TENT4B: variants seen among roughly 807,000 people sequenced by gnomAD.
TENT4B encodes terminal nucleotidyltransferase 4B.
In TENT4B, 10 loss-of-function variants were observed where a neutral mutation model predicts 75.0. The observed-to-expected ratio is 0.13, with a 90% CI of 0.08 to 0.23. TENT4B has a LOEUF of 0.23. Ranked by LOEUF, TENT4B falls within the 10% of genes least tolerant of loss-of-function variation. The pLI is 1.00. For missense variants in TENT4B, 579 were observed against 893.8 expected, an observed-to-expected ratio of 0.65 and a Z score of 4.49; for synonymous variants, 350 against 357.7, an observed-to-expected ratio of 0.98 and a Z score of 0.24.
Position 50,224,993 on chromosome 16 carries a change from T to C in TENT4B, c.1611T>C (p.Asn537=). 1.9e-6 allele frequency: 3 copies of C among 1,613,150 alleles called. No individual in the cohort carries two copies. Among genetic ancestry groups the C allele is most frequent in the Non-Finnish European group, 1.7e-6 (2 of 1,179,232 alleles). ...AGAATAGACCTGAGCCTTCATGCAATGGTAAGATATTTTCCTTGGTCGATT... is the reference window on the plus strand; with the variant it reads ...AGAATAGACCTGAGCCTTCATGCAACGGTAAGATATTTTCCTTGGTCGATT... ...GLKNRPEPSC[N]GNGVTLIVDT... Residue 537 remains asparagine, a splice_region_variant and synonymous_variant, in exon 9 of 12, where the codon AAT becomes AAC. Transcript: ENST00000561678.
At chr16:50,206,637 T>C (rs2030986665) in intron 1 of TENT4B, among the ~76,000 whole-genome samples, 1 of 152,076 alleles carries the variant, frequency 6.6e-6, no homozygotes, top group Non-Finnish European at 1.5e-5. Flanking sequence ...GGGACGGTGC[T>C]GAGCAGAGGG....
chr16:50,204,929 C>G (rs899320476), intron 1 of TENT4B, among the ~76,000 whole-genome samples: 1 of 152,162 alleles, frequency 6.6e-6, no homozygotes, highest in African/African-American at 2.4e-5. Context: ...TCTGTGTCCC[C>G]AGCTGTCAGT....
In TENT4B at chr16:50,230,905, C is replaced by A. The variant is rs1024776321; in HGVS notation, c.*1577C>A. The A allele has an allele frequency of 3.0e-6, 3 of 984,168 alleles. No individual in the cohort carries two copies. Among genetic ancestry groups the A allele is most frequent in the Non-Finnish European group, 3.6e-6 (3 of 828,672 alleles). The allele number at this position is 984,168 out of a possible 1,614,324, so 61.0% of individuals were successfully genotyped here. On this transcript the variant is annotated 3_prime_UTR_variant, in exon 12 of 12. Transcript: ENST00000561678. Reference sequence around the variant, plus strand: ...CTGTTAAATGCAGCCATTTCTGAGACGAGATTCTTTTATATATATATACAT... The same window carrying A: ...CTGTTAAATGCAGCCATTTCTGAGAAGAGATTCTTTTATATATATATACAT...
intron 3 of TENT4B, 90 bp downstream of exon 3, chr16:50,214,357 T>C: frequency 9.5e-7 from 1 of 1,049,500 alleles, no homozygotes; most frequent in Non-Finnish European, 1.4e-6. Context: ...ACAAAACAAA[T>C]TTATAAAACA....
chr16:50,154,036 C>A lies in TENT4B; in HGVS notation c.415C>A (p.Pro139Thr). Residue 139 changes from proline to threonine, a missense_variant, in exon 1 of 12, where the codon CCG (proline) becomes ACG (threonine). Pro to Thr is a conservative substitution (Grantham distance 38). This residue lies in a region of TENT4B where 253 missense variants were observed against 270.1 expected (regional missense o/e 0.94). Coordinates refer to ENST00000561678, the MANE Select transcript of TENT4B (RefSeq NM_001365324.3). ...CTCGCCTCCCTCGGCGTCCTCGTCCCCGCACCCTTCGGCCGCCGTCCCCGC... is the reference window on the plus strand; with the variant it reads ...CTCGCCTCCCTCGGCGTCCTCGTCCACGCACCCTTCGGCCGCCGTCCCCGC... ...ASSPPSASSS[P>T]HPSAAVPAAD... 6.5e-7 allele frequency: 1 copy of A among 1,532,784 alleles called. No individual in the cohort carries two copies. The highest frequency in any genetic ancestry group is 1.4e-5 in the African/African-American group (1 of 72,916). The allele number at this position is 1,532,784 out of a possible 1,614,324, so 94.9% of individuals were successfully genotyped here.
intron 1 of TENT4B, among the ~76,000 whole-genome samples, chr16:50,191,600 T>C (rs2038640163): frequency 1.3e-5 from 2 of 151,512 alleles, no homozygotes; most frequent in African/African-American, 4.9e-5. Flanking sequence ...ACTAAACACA[T>C]AGCAGCTAAC....
intron 1 of TENT4B, among the ~76,000 whole-genome samples, chr16:50,155,914 G>A (rs925864612): frequency 1.3e-5 from 2 of 152,130 alleles, no homozygotes; most frequent in Non-Finnish European, 2.9e-5. Flanking sequence ...CTCTTTGCAT[G>A]TGTCTAGCAA....
chr16:50,229,112 G>A, intron 11 of TENT4B, 40 bp from the exon 12 acceptor site: 2 of 1,601,858 alleles, frequency 1.2e-6, no homozygotes, highest in Non-Finnish European at 1.7e-6. Context: ...CTGCTTTTCT[G>A]CAATACTGAT....
rs376766283 is a variant in TENT4B at position 50,225,303 on chromosome 16, G to A, written c.1800+18G>A. On this transcript the variant is annotated intron_variant, in intron 10 of 11. Coordinates refer to ENST00000561678, the MANE Select transcript of TENT4B (RefSeq NM_001365324.3). ...GTGATGTAGTAAGTATGAAAGCCTC[G>A]GCTCTTCTGAACTCAGATGCATGCA... 19 of 1,594,584 alleles carry A rather than the reference G, an allele frequency of 1.2e-5. No homozygotes were observed. Among genetic ancestry groups the A allele is most frequent in the Admixed American group, 1.7e-5 (1 of 57,512 alleles).
Position 50,229,883 on chromosome 16 carries a change from A to G in TENT4B, c.*555A>G. 5.5e-6 allele frequency: 5 copies of G among 914,854 alleles called. No individual in the cohort carries two copies. The highest frequency in any genetic ancestry group is 6.5e-6 in the Non-Finnish European group (5 of 765,532). 56.7% of individuals were successfully genotyped at this position (914,854 alleles called of 1,614,324 possible). A position where few individuals can be genotyped will look rare whatever the true frequency, so the allele number is the denominator to read the frequency against. ...ATTTGTAATAGTGGATTTGTTAATA[A>G]TACTTTTTACATAACATTACTGTTT... On this transcript the variant is annotated 3_prime_UTR_variant, in exon 12 of 12. Coordinates refer to ENST00000561678, the MANE Select transcript of TENT4B (RefSeq NM_001365324.3).
intron 1 of TENT4B, among the ~76,000 whole-genome samples, chr16:50,206,958 G>A (rs79099554): frequency 0.018 from 2,673 of 148,572 alleles, 99 homozygotes; most frequent in African/African-American, 0.063. Context: ...TTTTAAATAT[G>A]GAATCTGTTT....
chr16:50,212,738 A>G (rs930608705), intron 2 of TENT4B, among the ~76,000 whole-genome samples: 1 of 152,130 alleles, frequency 6.6e-6, no homozygotes. Flanking sequence ...GCATTTGGCA[A>G]TGTCCGAGAC....
At chr16:50,215,969 TG>T in intron 3 of TENT4B, 105 bp from the exon 4 acceptor site, 1 of 1,376,424 alleles carries the variant, frequency 7.3e-7, no homozygotes, top group Non-Finnish European at 1.0e-6. Flanking sequence ...TTGGCCAGGG[TG>T]GGAAATAGGT....
intron 1 of TENT4B, among the ~76,000 whole-genome samples, chr16:50,202,751 T>C (rs976878099): frequency 6.6e-6 from 1 of 152,214 alleles, no homozygotes; most frequent in Non-Finnish European, 1.5e-5. Context: ...TGATTTCTTT[T>C]CTTGTTCTCT....
intron 1 of TENT4B, among the ~76,000 whole-genome samples, chr16:50,156,745 C>A (rs2037909065): frequency 6.6e-6 from 1 of 152,042 alleles, no homozygotes; most frequent in Non-Finnish European, 1.5e-5. Context: ...TCCTCTAACT[C>A]TTGGGCTCAA....
chr16:50,213,695 C>A lies in TENT4B; in HGVS notation c.763-526C>A, dbSNP rs140294654. On this transcript the variant is annotated intron_variant, in intron 2 of 11. Transcript: ENST00000561678. ...ACAGGTACCACACCTCCATATTAAA[C>A]CAACAATGGATTGAAAATATTCAGA... 2.7e-3 allele frequency among the ~76,000 whole-genome samples: 413 copies of A among 152,202 alleles called. 2 individuals are homozygous for A. The highest frequency in any genetic ancestry group is 0.018 in the Admixed American group (282 of 15,284).
In TENT4B at chr16:50,230,044, C is replaced by G; in HGVS notation, c.*716C>G. ...CAGCATTGAAATGACTTAATAGAAC[C>G]CTTGTGTCCTGCTGCAAAAATTTTT... is the stretch of plus-strand genomic sequence containing the variant. On this transcript the variant is annotated 3_prime_UTR_variant, in exon 12 of 12. Transcript: ENST00000561678. The G allele has an allele frequency of 4.1e-6, 4 of 984,226 alleles. No individual in the cohort carries two copies. Among genetic ancestry groups the G allele is most frequent in the Non-Finnish European group, 4.8e-6 (4 of 829,530 alleles). 61.0% of individuals were successfully genotyped at this position (984,226 alleles called of 1,614,324 possible).
chr16:50,211,613 T>A (rs2031282596), intron 2 of TENT4B, among the ~76,000 whole-genome samples, 167 bp downstream of exon 2: 1 of 152,224 alleles, frequency 6.6e-6, no homozygotes, highest in Non-Finnish European at 1.5e-5. Context: ...TCTTTAGAAT[T>A]GAGGCTTCCT....
intron 1 of TENT4B, among the ~76,000 whole-genome samples, chr16:50,157,870 A>G (rs1339975554): frequency 6.6e-6 from 1 of 152,076 alleles, no homozygotes; most frequent in Non-Finnish European, 1.5e-5. Flanking sequence ...GGCTGAAGTG[A>G]ACTTCCCACC....
Sources: allele counts gnomAD v4.1 joint callset (sites outside exome capture counted in the v4.1 genomes callset), GRCh38; gene constraint gnomAD v4.1.1; regional missense constraint gnomAD v4.1.1; transcripts MANE v1.5; gene names NCBI Gene and HGNC (gene_info 2026-07-23, HGNC 2026-07-21).